CNTNAP5: variants seen among roughly 807,000 people sequenced by gnomAD.
CNTNAP5 encodes contactin-associated protein-like 5.
A neutral mutation model predicts 150.2 loss-of-function variants in CNTNAP5; 72 were observed. That is an observed-to-expected ratio of 0.48 (90% CI 0.40 to 0.58). The LOEUF (loss-of-function observed/expected upper bound fraction) is 0.58, where lower values mean the gene tolerates loss of function less well. Ranked by LOEUF, CNTNAP5 falls within the 20% of genes least tolerant of loss-of-function variation. The probability of loss-of-function intolerance (pLI) is 0.00; values close to 1 mark genes in which losing one functional copy is unlikely to be tolerated. For missense variants in CNTNAP5, 1,636 were observed against 1,626.2 expected (o/e 1.01, Z -0.10); for synonymous variants, 672 against 619.8 (o/e 1.08, Z -1.25).
intron 3 of CNTNAP5, among the ~76,000 whole-genome samples, chr2:124,266,935 A>C (rs189122171): frequency 1.6e-4 from 24 of 151,956 alleles, no homozygotes; most frequent in African/African-American, 4.8e-4. Context: ...CTTAAGCATA[A>C]TATAGATTTA....
intron 7 of CNTNAP5, among the ~76,000 whole-genome samples, chr2:124,489,117 T>C (rs1693960156): frequency 6.6e-6 from 1 of 152,250 alleles, no homozygotes; most frequent in Non-Finnish European, 1.5e-5. Flanking sequence ...TTATGTCCTC[T>C]GGATAATGTC....
chr2:124,874,031 G>A (rs1485337565), intron 21 of CNTNAP5, among the ~76,000 whole-genome samples: 1 of 151,856 alleles, frequency 6.6e-6, no homozygotes, highest in Non-Finnish European at 1.5e-5. Flanking sequence ...GCAGTTTTTT[G>A]TTTGTTTGTT....
chr2:124,744,837 G>A (rs1680571570), intron 13 of CNTNAP5, among the ~76,000 whole-genome samples: 1 of 152,046 alleles, frequency 6.6e-6, no homozygotes, highest in South Asian at 2.1e-4. Flanking sequence ...ATCTTCATTT[G>A]CTATAATCTC....
At chr2:124,563,415 A>C (rs1695939188) in intron 11 of CNTNAP5, 92 bp downstream of exon 11, 1 of 744,832 alleles carries the variant, frequency 1.3e-6, no homozygotes, top group African/African-American at 1.8e-5. Context: ...TGGGGCAGGC[A>C]TGTTTTATTC....
Position 124,221,799 on chromosome 2 carries a change from C to T in CNTNAP5, c.177C>T (p.Asn59=), listed in dbSNP as rs1459899741. The T allele has an allele frequency of 2.5e-6, 4 of 1,604,650 alleles. No homozygotes were observed. The highest frequency in any genetic ancestry group is 3.4e-5 in the Admixed American group (2 of 59,250). ...LTGTHSPAQL[N]WRVGTGGWSP... Reference sequence around the variant, plus strand: ...GCACTCACAGCCCAGCTCAACTCAACTGGAGAGTTGGTAAGTAGGCTGACT... The same window carrying T: ...GCACTCACAGCCCAGCTCAACTCAATTGGAGAGTTGGTAAGTAGGCTGACT... Residue 59 remains asparagine, a synonymous_variant, in exon 2 of 24, where the codon AAC becomes AAT. Coordinates refer to ENST00000682447, the MANE Select transcript of CNTNAP5 (RefSeq NM_001367498.1).
chr2:124,125,017 A>G (rs1683653019), intron 1 of CNTNAP5, among the ~76,000 whole-genome samples: 1 of 152,210 alleles, frequency 6.6e-6, no homozygotes, highest in Non-Finnish European at 1.5e-5. Flanking sequence ...AATGAGCAAA[A>G]CAACCAGCTA....
intron 3 of CNTNAP5, among the ~76,000 whole-genome samples, chr2:124,358,262 G>A (rs2104710742): frequency 6.6e-6 from 1 of 151,768 alleles, no homozygotes; most frequent in Admixed American, 6.6e-5. Flanking sequence ...GGGACAATTT[G>A]ACTTCCTCTT....
chr2:124,876,464 A>T (rs1367325256), intron 21 of CNTNAP5, among the ~76,000 whole-genome samples: 2 of 151,766 alleles, frequency 1.3e-5, no homozygotes, highest in East Asian at 3.9e-4. Context: ...CTTTTTTAAG[A>T]GGAGAGAAGA....
chr2:124,452,785 A>G (rs1197276172), intron 6 of CNTNAP5, among the ~76,000 whole-genome samples: 1 of 152,098 alleles, frequency 6.6e-6, no homozygotes, highest in South Asian at 2.1e-4. Context: ...AACAATCACT[A>G]CAGCTTGGCT....
intron 1 of CNTNAP5, among the ~76,000 whole-genome samples, chr2:124,048,799 C>T (rs762213523): frequency 6.6e-6 from 1 of 152,138 alleles, no homozygotes; most frequent in Non-Finnish European, 1.5e-5. Context: ...ATTTGAGTCC[C>T]CAAGAATGCT....
intron 13 of CNTNAP5, chr2:124,680,798 C>T (rs1407142481): frequency 1.3e-5 from 2 of 151,796 alleles, no homozygotes; most frequent in Non-Finnish European, 1.5e-5. Context: ...GATGAAAGCG[C>T]ATGCAATATA....
At chr2:124,347,032 G>A (rs1689753426) in intron 3 of CNTNAP5, among the ~76,000 whole-genome samples, 1 of 152,008 alleles carries the variant, frequency 6.6e-6, no homozygotes, top group Admixed American at 6.6e-5. Flanking sequence ...AGGTTGCAGT[G>A]AGCCAAGATC....
chr2:124,164,835 T>C (rs2104654395), intron 1 of CNTNAP5, among the ~76,000 whole-genome samples: 1 of 152,228 alleles, frequency 6.6e-6, no homozygotes, highest in African/African-American at 2.4e-5. Flanking sequence ...GGTAACTCTG[T>C]AGAGGGTAGA....
chr2:124,683,648 T>C (rs1679120833), intron 13 of CNTNAP5, among the ~76,000 whole-genome samples: 1 of 152,174 alleles, frequency 6.6e-6, no homozygotes, highest in South Asian at 2.1e-4. Context: ...TTCTTACTAA[T>C]TCCATTGATG....
intron 1 of CNTNAP5, among the ~76,000 whole-genome samples, chr2:124,159,515 G>C (rs573170624): frequency 3.2e-4 from 48 of 152,298 alleles, no homozygotes; most frequent in African/African-American, 1.2e-3. Flanking sequence ...TTTTTAATCA[G>C]TGAAAAGATC....
At chr2:124,418,867 G>A (rs547912724) in intron 4 of CNTNAP5, among the ~76,000 whole-genome samples, 1 of 152,106 alleles carries the variant, frequency 6.6e-6, no homozygotes, top group Non-Finnish European at 1.5e-5. Flanking sequence ...GGGCGCGGTG[G>A]CTCACGCCTG....
intron 1 of CNTNAP5, among the ~76,000 whole-genome samples, chr2:124,085,026 A>G (rs1477187596): frequency 7.1e-6 from 1 of 140,720 alleles, no homozygotes; most frequent in African/African-American, 2.6e-5. Flanking sequence ...GGTTGAAGCA[A>G]TTCTCCTGCC....
At chr2:124,842,373 T>C (rs7576742) in intron 19 of CNTNAP5, among the ~76,000 whole-genome samples, 2,493 of 152,260 alleles carry the variant, frequency 0.016, 62 homozygotes, top group African/African-American at 0.056. Context: ...AAGGAACCTG[T>C]TTGATTTTGC....
At chr2:124,032,487 T>G (rs1314990895) in intron 1 of CNTNAP5, among the ~76,000 whole-genome samples, 1 of 152,050 alleles carries the variant, frequency 6.6e-6, no homozygotes, top group East Asian at 1.9e-4. Context: ...AGAAAACCAG[T>G]TAAGAGATGA....
Sources: allele counts gnomAD v4.1 joint callset (sites outside exome capture counted in the v4.1 genomes callset), GRCh38; gene constraint gnomAD v4.1.1; transcripts MANE v1.5; gene names NCBI Gene and HGNC (gene_info 2026-07-23, HGNC 2026-07-21).